The following COL23A1 variants were observed in gnomAD, a reference collection of about 807,000 sequenced individuals.
COL23A1 encodes the protein collagen alpha-1(XXIII) chain.
In COL23A1, 97 loss-of-function variants were observed where a neutral mutation model predicts 99.3. The observed-to-expected ratio is 0.98, with a 90% CI of 0.83 to 1.16. The LOEUF (loss-of-function observed/expected upper bound fraction) is 1.16, where lower values mean the gene tolerates loss of function less well. COL23A1 is among the 50% of genes most tolerant of loss of function. The pLI, the probability that COL23A1 is intolerant of heterozygous loss-of-function variation, is 0.00. For missense variants in COL23A1, 762 were observed against 757.4 expected (o/e 1.01, Z -0.07); for synonymous variants, 320 against 308.2 (o/e 1.04, Z -0.40).
rs113827471 is a variant in COL23A1, at chr5:178,345,908, A to G, written c.362-38989T>C. Among the ~76,000 whole-genome samples, 795 of 152,262 alleles carry G rather than the reference A, an allele frequency of 5.2e-3. 9 individuals carry two copies. The highest frequency in any genetic ancestry group is 0.018 in the African/African-American group (753 of 41,548). ...AGGACATGGTCATTCACTTGGGTTT[A>G]AGACAGGAGGACACTGCAAGTTCAC... On this transcript the variant is annotated intron_variant, in intron 2 of 28. Coordinates refer to ENST00000390654, the MANE Select transcript of COL23A1 (RefSeq NM_173465.4).
chr5:178,385,195 T>C (rs547371725), intron 2 of COL23A1, among the ~76,000 whole-genome samples: 1 of 152,224 alleles, frequency 6.6e-6, no homozygotes. Flanking sequence ...TCCTTTCTGC[T>C]CCTGGAGCCT....
intron 2 of COL23A1, among the ~76,000 whole-genome samples, chr5:178,354,992 A>C (rs1761553277): frequency 6.6e-6 from 1 of 151,050 alleles, no homozygotes; most frequent in Non-Finnish European, 1.5e-5. Flanking sequence ...CGGGAGGCGG[A>C]GGTTGCAGTG....
chr5:178,248,927 G>A (rs780790105), intron 19 of COL23A1, among the ~76,000 whole-genome samples, 190 bp downstream of exon 19: 15 of 152,216 alleles, frequency 9.9e-5, no homozygotes, highest in South Asian at 4.1e-4. Flanking sequence ...TCTTCCAGAC[G>A]AGGAAGTGGA....
At chr5:178,574,396 C>CT (rs948995335) in intron 1 of COL23A1, among the ~76,000 whole-genome samples, 16 of 152,196 alleles carry the variant, frequency 1.1e-4, no homozygotes, top group African/African-American at 3.9e-4. Flanking sequence ...TATATCCTTT[C>CT]TTTTTTAAGA....
chr5:178,263,129 G>C, intron 9 of COL23A1, 79 bp downstream of exon 9: 1 of 1,012,324 alleles, frequency 9.9e-7, no homozygotes, highest in Non-Finnish European at 1.6e-6. Flanking sequence ...AGATGGGGAT[G>C]GGGATGGGGC....
chr5:178,350,213 G>T (rs973025380), intron 2 of COL23A1, among the ~76,000 whole-genome samples: 1 of 152,186 alleles, frequency 6.6e-6, no homozygotes, highest in African/African-American at 2.4e-5. Flanking sequence ...ACGCCCACCT[G>T]GTCATGCCCC....
At chr5:178,339,083 G>A (rs1760510969) in intron 2 of COL23A1, among the ~76,000 whole-genome samples, 1 of 152,152 alleles carries the variant, frequency 6.6e-6, no homozygotes, top group South Asian at 2.1e-4. Context: ...TCCCCTGACT[G>A]GGAGCTCACT....
intron 2 of COL23A1, among the ~76,000 whole-genome samples, chr5:178,437,433 C>G (rs1766620331): frequency 6.6e-6 from 1 of 152,202 alleles, no homozygotes; most frequent in South Asian, 2.1e-4. Flanking sequence ...TCGCCAGGAT[C>G]TGGTCCACTT....
intron 11 of COL23A1, among the ~76,000 whole-genome samples, chr5:178,260,544 T>C (rs189271968): frequency 6.6e-6 from 1 of 152,232 alleles, no homozygotes; most frequent in East Asian, 1.9e-4. Context: ...CCTGTAATCC[T>C]AGCACTTTGG....
chr5:178,316,032 T>C (rs949859083), intron 2 of COL23A1, among the ~76,000 whole-genome samples: 3 of 152,202 alleles, frequency 2.0e-5, no homozygotes, highest in African/African-American at 7.2e-5. Context: ...GTGTTAAATT[T>C]TTTTTCTTCT....
At chr5:178,554,683 C>T (rs77747762) in intron 2 of COL23A1, among the ~76,000 whole-genome samples, 6,904 of 152,174 alleles carry the variant, frequency 0.045, 210 homozygotes, top group Non-Finnish European at 0.073. Flanking sequence ...ATTGCCAACC[C>T]TCCCCCACTT....
intron 2 of COL23A1, among the ~76,000 whole-genome samples, chr5:178,408,013 C>A (rs977156929): frequency 1.3e-5 from 2 of 152,074 alleles, no homozygotes; most frequent in Non-Finnish European, 2.9e-5. Flanking sequence ...AGGAAAGAAA[C>A]CGAAGATTTC....
At chr5:178,373,609 T>C (rs1176602249) in intron 2 of COL23A1, among the ~76,000 whole-genome samples, 1 of 151,996 alleles carries the variant, frequency 6.6e-6, no homozygotes, top group Non-Finnish European at 1.5e-5. Flanking sequence ...AGAGACGGGA[T>C]TTCACCATGT....
chr5:178,358,076 GTGTA>G (rs984514157), intron 2 of COL23A1, among the ~76,000 whole-genome samples: 10 of 146,088 alleles, frequency 6.8e-5, no homozygotes, highest in African/African-American at 2.2e-4. Context: ...TTGTGTGTAT[GTGTA>G]TGTACGTGTG....
chr5:178,457,733 T>A lies in COL23A1; in HGVS notation c.361+102949A>T, dbSNP rs571032744. Reference sequence around the variant, plus strand: ...AGTGCTGTGATTATCATCCTCAGACTGCTGCATGTGTATCATGGAATAAAG... The same window carrying A: ...AGTGCTGTGATTATCATCCTCAGACAGCTGCATGTGTATCATGGAATAAAG... On this transcript the variant is annotated intron_variant, in intron 2 of 28. Transcript: ENST00000390654. 3.3e-5 allele frequency among the ~76,000 whole-genome samples: 5 copies of A among 152,354 alleles called. No homozygotes were observed. In the East Asian group the frequency reaches 9.6e-4, roughly 29 times the overall value.
At chr5:178,262,152 G>A in intron 10 of COL23A1, 65 bp downstream of exon 10, 10 of 1,514,206 alleles carry the variant, frequency 6.6e-6, no homozygotes, top group South Asian at 1.2e-5. Context: ...TGTGGGAAAG[G>A]GGCTTCCAGG....
chr5:178,258,262 T>TACACAC lies in COL23A1; in HGVS notation c.730-696_730-695insGTGTGT, dbSNP rs1554126956. 2.0e-4 allele frequency among the ~76,000 whole-genome samples: 21 copies of TACACAC among 104,066 alleles called. 4 individuals carry two copies. Among genetic ancestry groups the TACACAC allele is most frequent in the Admixed American group, 1.1e-3 (11 of 9,638 alleles). The allele number at this position is 104,066 out of a possible 152,430, so 68.3% of individuals were successfully genotyped here. A position where few individuals can be genotyped will look rare whatever the true frequency, so the allele number is the denominator to read the frequency against. On this transcript the variant is annotated intron_variant, in intron 12 of 28. Coordinates refer to ENST00000390654, the MANE Select transcript of COL23A1 (RefSeq NM_173465.4). ...ATATATATATATATATATATATATA[T>TACACAC]ACACATGCAAATCAATTCTAGGCAC... is the stretch of plus-strand genomic sequence containing the variant.
Position 178,526,894 on chromosome 5 carries a change from C to T in COL23A1, c.361+33788G>A, listed in dbSNP as rs1760340865. Among the ~76,000 whole-genome samples, 4 of 152,288 alleles carry T rather than the reference C, an allele frequency of 2.6e-5. No individual in the cohort carries two copies. The East Asian group carries it at 5.8e-4, about 22-fold the overall frequency. On this transcript the variant is annotated intron_variant, in intron 2 of 28. Transcript: ENST00000390654. Reference sequence around the variant, plus strand: ...CACTCCTGTTTATTCCATTAACTGCCGTATGAAACTGTTCCTATCCTTACT... The same window carrying T: ...CACTCCTGTTTATTCCATTAACTGCTGTATGAAACTGTTCCTATCCTTACT...
In COL23A1 at chr5:178,281,106, G is replaced by C. The variant is rs566326145; in HGVS notation, c.441+7218C>G. On this transcript the variant is annotated intron_variant, in intron 5 of 28. Transcript: ENST00000390654. The surrounding 1 kb of genome is among the most constrained non-coding windows in gnomAD (Gnocchi z 4.0). ...TGCCATTATCAGGGACTCCGGAGTC[G>C]GCTTTCATCCGGTCTCAGCTTCACT... Among the ~76,000 whole-genome samples, 4 of 152,262 alleles carry C rather than the reference G, an allele frequency of 2.6e-5. No individual in the cohort carries two copies. In the South Asian group the frequency reaches 8.3e-4, roughly 32 times the overall value.
Sources: allele counts gnomAD v4.1 joint callset (sites outside exome capture counted in the v4.1 genomes callset), GRCh38; gene constraint gnomAD v4.1.1; non-coding constraint Gnocchi (gnomAD v3.1); transcripts MANE v1.5; gene names NCBI Gene and HGNC (gene_info 2026-07-23, HGNC 2026-07-21).